CDH12: variants seen among roughly 807,000 people sequenced by gnomAD.
CDH12 encodes cadherin 12.
Under a neutral mutation model 74.1 loss-of-function variants are expected in CDH12, and 41 were observed. The observed-to-expected ratio is 0.55, with a 90% CI of 0.43 to 0.72. The LOEUF (loss-of-function observed/expected upper bound fraction) is 0.72. Among genes scored for constraint, CDH12 ranks in the 30% least tolerant of loss-of-function variants. The pLI is 0.00. For missense variants in CDH12, 945 were observed against 977.2 expected, an observed-to-expected ratio of 0.97 and a Z score of 0.44; for synonymous variants, 399 against 355.0, an observed-to-expected ratio of 1.12 and a Z score of -1.39.
intron 1 of CDH12, among the ~76,000 whole-genome samples, chr5:22,718,435 T>C (rs1743699447): frequency 6.6e-6 from 1 of 152,226 alleles, no homozygotes; most frequent in African/African-American, 2.4e-5. Flanking sequence ...GTTGTTTCCA[T>C]GTCACTGAGC....
intron 3 of CDH12, among the ~76,000 whole-genome samples, chr5:22,283,293 T>C (rs928602883): frequency 6.8e-6 from 1 of 147,894 alleles, no homozygotes; most frequent in Admixed American, 6.8e-5. Context: ...CACATATATA[T>C]ATAGCATTTA....
chr5:22,000,850 G>C (rs987525534), intron 5 of CDH12, among the ~76,000 whole-genome samples: 15 of 151,504 alleles, frequency 9.9e-5, no homozygotes, highest in African/African-American at 3.1e-4. Flanking sequence ...TATTCAGCTC[G>C]AAAAAAAGCC....
Position 22,574,054 on chromosome 5 carries a change from C to T in CDH12, c.-522-68690G>A, listed in dbSNP as rs562748310. ...TTACCTTAAGTCTTTTTCATGGATA[C>T]TTTTCTCTGTCTCTCTCTCTTTTTT... On this transcript the variant is annotated intron_variant, in intron 1 of 14. Transcript: ENST00000382254. 7.7e-3 allele frequency among the ~76,000 whole-genome samples: 1,098 copies of T among 141,944 alleles called. 10 individuals carry two copies. Among genetic ancestry groups the T allele is most frequent in the Non-Finnish European group, 0.012 (757 of 64,908 alleles). 93.1% of individuals were successfully genotyped at this position (141,944 alleles called of 152,430 possible).
chr5:22,308,700 G>A (rs1738233522), intron 3 of CDH12, among the ~76,000 whole-genome samples: 1 of 151,848 alleles, frequency 6.6e-6, no homozygotes. Flanking sequence ...TGATCACATC[G>A]ACAAAGCAAT....
chr5:21,781,140 ACG>A (rs879655345), intron 11 of CDH12, among the ~76,000 whole-genome samples: 1 of 152,188 alleles, frequency 6.6e-6, no homozygotes, highest in Non-Finnish European at 1.5e-5. Context: ...GCAACCTATA[ACG>A]CACCTGTTTT....
intron 3 of CDH12, among the ~76,000 whole-genome samples, chr5:22,260,300 A>G (rs1358399500): frequency 6.6e-6 from 1 of 152,090 alleles, no homozygotes; most frequent in African/African-American, 2.4e-5. Context: ...TGAACCAATG[A>G]AAATGCAATA....
intron 1 of CDH12, among the ~76,000 whole-genome samples, chr5:22,815,336 G>C (rs1317631082): frequency 6.6e-6 from 1 of 152,182 alleles, no homozygotes; most frequent in African/African-American, 2.4e-5. Context: ...ATGGAAAGTA[G>C]AGATGTAACA....
At chr5:22,509,676 G>T (rs558824123) in intron 1 of CDH12, among the ~76,000 whole-genome samples, 1 of 152,262 alleles carries the variant, frequency 6.6e-6, no homozygotes, top group Middle Eastern at 3.4e-3. Context: ...TTTGTAGAAT[G>T]AGTAGTCCCA....
intron 6 of CDH12, among the ~76,000 whole-genome samples, chr5:21,880,332 G>T (rs931574003): frequency 6.6e-5 from 10 of 152,192 alleles, no homozygotes; most frequent in African/African-American, 1.9e-4. Context: ...CCTTCTACTG[G>T]AGTCATGCTT....
intron 1 of CDH12, among the ~76,000 whole-genome samples, chr5:22,741,490 T>C (rs1346045076): frequency 1.3e-5 from 2 of 152,142 alleles, no homozygotes; most frequent in Non-Finnish European, 2.9e-5. Flanking sequence ...TTTGTTGTTG[T>C]TGTTGTTGTT....
At chr5:21,846,406 A>T (rs572297209) in intron 7 of CDH12, among the ~76,000 whole-genome samples, 93 of 126,504 alleles carry the variant, frequency 7.4e-4, no homozygotes, top group Non-Finnish European at 1.4e-3. Context: ...TTTCCTCAGC[A>T]TGGGAAAAGG....
intron 1 of CDH12, among the ~76,000 whole-genome samples, chr5:22,574,472 G>A (rs1212443558): frequency 1.3e-5 from 2 of 151,936 alleles, no homozygotes; most frequent in Non-Finnish European, 1.5e-5. Context: ...TGCTTACAAT[G>A]TTTTATAAAG....
chr5:21,751,759 TA>T lies in CDH12; in HGVS notation c.2362del (p.Tyr788IlefsTer57). The T allele has an allele frequency of 1.9e-6, 3 of 1,613,876 alleles. No individual in the cohort carries two copies. Among genetic ancestry groups the T allele is most frequent in the Non-Finnish European group, 2.5e-6 (3 of 1,179,902 alleles). ...LADMFGEEES[Y>X]NPDKVT Reference sequence around the variant, plus strand: ...CCCTTAAGTGACTTTATCAGGGTTATAACTCTCTTCTTCGCCAAACATGTCT... The same window carrying T: ...CCCTTAAGTGACTTTATCAGGGTTATACTCTCTTCTTCGCCAAACATGTCT... On this transcript the variant is annotated frameshift_variant, in exon 15 of 15. Transcript: ENST00000382254. LOFTEE classifies it high-confidence loss of function.
At chr5:22,727,533 G>T (rs558933327) in intron 1 of CDH12, among the ~76,000 whole-genome samples, 3 of 151,304 alleles carry the variant, frequency 2.0e-5, no homozygotes, top group African/African-American at 4.8e-5. Flanking sequence ...GTCATTACTC[G>T]TTTAGATTTG....
chr5:22,374,469 C>A (rs1169719198), intron 3 of CDH12, among the ~76,000 whole-genome samples: 1 of 151,962 alleles, frequency 6.6e-6, no homozygotes, highest in Non-Finnish European at 1.5e-5. Flanking sequence ...AGCAATCAGG[C>A]AATAGAAAGA....
chr5:22,535,012 A>G (rs922968938), intron 1 of CDH12, among the ~76,000 whole-genome samples: 9 of 144,216 alleles, frequency 6.2e-5, no homozygotes, highest in African/African-American at 1.0e-4. Context: ...TCACTCTGTC[A>G]CCCAGGCTGG....
intron 4 of CDH12, among the ~76,000 whole-genome samples, chr5:22,136,879 A>C (rs1305822487): frequency 6.6e-6 from 1 of 151,892 alleles, no homozygotes; most frequent in Non-Finnish European, 1.5e-5. Flanking sequence ...AAACTTGACC[A>C]AGCAGAATAA....
chr5:22,574,192 G>C lies in CDH12; in HGVS notation c.-522-68828C>G, dbSNP rs547856032. 8.9e-5 allele frequency among the ~76,000 whole-genome samples: 13 copies of C among 145,502 alleles called. No homozygotes were observed. In the South Asian group the frequency reaches 2.8e-3, roughly 32 times the overall value. On this transcript the variant is annotated intron_variant, in intron 1 of 14. Coordinates refer to ENST00000382254, the MANE Select transcript of CDH12 (RefSeq NM_004061.5). ...CCTCCTGGGTTCAAGTGGTTCTCCT[G>C]TGTCAGCCTCACGAGTAGCTGGGAT... is the stretch of plus-strand genomic sequence containing the variant.
intron 1 of CDH12, among the ~76,000 whole-genome samples, chr5:22,725,519 A>G (rs760586793): frequency 1.3e-5 from 2 of 151,836 alleles, no homozygotes; most frequent in African/African-American, 2.4e-5. Context: ...CTGTAACAAA[A>G]TATCATAGAC....
Sources: allele counts gnomAD v4.1 joint callset (sites outside exome capture counted in the v4.1 genomes callset), GRCh38; gene constraint gnomAD v4.1.1; transcripts MANE v1.5; gene names NCBI Gene and HGNC (gene_info 2026-07-23, HGNC 2026-07-21).